IGBP1: variants seen among roughly 807,000 people sequenced by gnomAD.
IGBP1 encodes the protein immunoglobulin binding protein 1.
A neutral mutation model predicts 25.9 loss-of-function variants in IGBP1; 2 were observed. The observed-to-expected ratio is 0.08, with a 90% CI of 0.03 to 0.24. The LOEUF is 0.24. IGBP1 is among the 10% of genes least tolerant of loss of function. The pLI, the probability that IGBP1 is intolerant of heterozygous loss-of-function variation, is 1.00. For missense variants in IGBP1, 187 were observed against 260.4 expected, an observed-to-expected ratio of 0.72 and a Z score of 1.94; for synonymous variants, 96 against 93.4, an observed-to-expected ratio of 1.03 and a Z score of -0.16.
intron 3 of IGBP1, among the ~76,000 whole-genome samples, chrX:70,140,981 G>GA (rs1332306412): frequency 1.8e-5 from 2 of 110,918 alleles, no homozygotes; most frequent in African/African-American, 3.3e-5. Flanking sequence ...CATGTAGACA[G>GA]AAAAAAAGTC....
intron 3 of IGBP1, among the ~76,000 whole-genome samples, chrX:70,138,480 C>CAAAA (rs35566042): frequency 2.4e-3 from 127 of 53,279 alleles, no homozygotes; most frequent in East Asian, 4.7e-3. Flanking sequence ...GACCCTGTCT[C>CAAAA]AAAAAAAAAA....
At chrX:70,140,618 G>C (rs1179825852) in intron 3 of IGBP1, among the ~76,000 whole-genome samples, 1 of 112,047 alleles carries the variant, frequency 8.9e-6, no homozygotes, top group Non-Finnish European at 1.9e-5. Flanking sequence ...CCCAACCCAT[G>C]CCTTTAGATA....
Position 70,150,213 on chromosome X carries a change from A to G in IGBP1, c.762A>G (p.Val254=). The G allele has an allele frequency of 8.6e-7, 1 of 1,157,575 alleles. No homozygotes were observed. Among genetic ancestry groups the G allele is most frequent in the Non-Finnish European group, 1.2e-6 (1 of 847,161 alleles). Reference sequence around the variant, plus strand: ...AAATGCAGCGTAATTTTTGCAGAGTATTTGGAGCTGGTTATCCAAGTCTGC... The same window carrying G: ...AAATGCAGCGTAATTTTTGCAGAGTGTTTGGAGCTGGTTATCCAAGTCTGC... The part of the protein sequence containing the change: ...ILTRNMAQAK[V]FGAGYPSLPT... Residue 254 remains valine (V), a synonymous_variant, in exon 6 of 7, where the codon GTA becomes GTG. Transcript: ENST00000356413.
chrX:70,134,118 G>T lies in IGBP1; in HGVS notation c.171G>T (p.Ser57=). The change falls in exon 2 of 7, where the codon TCG becomes TCT. Residue 57 remains serine, a synonymous_variant. Transcript: ENST00000356413. ...TTGAGAAGGCTGCCGAAATGTTATC[G>T]CAGCTCGACTTGTTCAGGTATGGGG... ...DLLEKAAEML[S]QLDLFSRNED... is the part of the protein sequence containing the mutation. 8.3e-7 allele frequency: 1 copy of T among 1,209,968 alleles called. No individual in the cohort carries two copies.
At position 70,134,049 on chromosome X, in the gene IGBP1, T is replaced by C; in HGVS notation, c.102T>C (p.Gly34=). Residue 34 remains glycine (G), a synonymous_variant, in exon 2 of 7, where the codon GGT becomes GGC. Coordinates refer to ENST00000356413, the MANE Select transcript of IGBP1 (RefSeq NM_001551.3). The stretch of plus-strand genomic sequence containing the variant: ...TAGAAGTGGCGACTGAACCCGCCGG[T>C]TCCCGGATAGTCCAGGAGAAGGTGT... ...DEVEVATEPA[G]SRIVQEKVFK... The C allele has an allele frequency of 8.3e-7, 1 of 1,211,476 alleles. No individual in the cohort carries two copies. The highest frequency in any genetic ancestry group is 2.2e-5 in the Admixed American group (1 of 46,125).
chrX:70,134,574 G>A lies in IGBP1; in HGVS notation c.240G>A (p.Leu80=), dbSNP rs1028098878. Residue 80 remains leucine, a synonymous_variant, in exon 3 of 7, where the codon TTG becomes TTA. Transcript: ENST00000356413. Reference sequence around the variant, plus strand: ...CTTCCACCGACCTGAAGTACCTTTTGGTGCCAGCGTTTCAAGGAGCCCTCA... The same window carrying A: ...CTTCCACCGACCTGAAGTACCTTTTAGTGCCAGCGTTTCAAGGAGCCCTCA... The part of the protein sequence containing the change: ...EIASTDLKYL[L]VPAFQGALTM... 8.3e-7 allele frequency: 1 copy of A among 1,211,439 alleles called. No individual in the cohort carries two copies. The highest frequency in any genetic ancestry group is 1.1e-6 in the Non-Finnish European group (1 of 895,108).
intron 5 of IGBP1, chrX:70,149,653 CAA>C (rs59363387): frequency 0.018 from 1,184 of 64,598 alleles, 1 homozygote; most frequent in South Asian, 0.034. Context: ...GACTCCATCT[CAA>C]AAAAAAAAAA....
At chrX:70,156,862 T>G (rs1316621794) in intron 6 of IGBP1, among the ~76,000 whole-genome samples, 1 of 111,317 alleles carries the variant, frequency 9.0e-6, no homozygotes, top group Non-Finnish European at 1.9e-5. Context: ...ATCGGTTGAG[T>G]CTGGGAGGCA....
chrX:70,137,483 C>G (rs1181598465), intron 3 of IGBP1, among the ~76,000 whole-genome samples: 1 of 110,615 alleles, frequency 9.0e-6, no homozygotes, highest in Non-Finnish European at 1.9e-5. Context: ...TGGGGCTGTT[C>G]TAGGTGTTAG....
intron 3 of IGBP1, among the ~76,000 whole-genome samples, chrX:70,142,913 GTTGT>G (rs2085139755): frequency 1.2e-5 from 1 of 85,808 alleles, no homozygotes. Context: ...AAGTTATCGA[GTTGT>G]TTTTTTTTTT....
rs751303211 is a variant in IGBP1, at chrX:70,166,289, T to A, written c.*308T>A. ...CTATCCGAATTCTCTGAAAAAATAA[T>A]AAAAGTCCCCTCTATTATATGAGCC... On this transcript the variant is annotated 3_prime_UTR_variant, in exon 7 of 7. Coordinates refer to ENST00000356413, the MANE Select transcript of IGBP1 (RefSeq NM_001551.3). 5.6e-4 allele frequency: 121 copies of A among 217,857 alleles called. No individual in the cohort carries two copies. The highest frequency in any genetic ancestry group is 3.3e-3 in the African/African-American group (113 of 34,760). 18.0% of individuals were successfully genotyped at this position (217,857 alleles called of 1,213,427 possible). A position where few individuals can be genotyped will look rare whatever the true frequency, so the allele number is the denominator to read the frequency against.
At chrX:70,159,661 G>A (rs1056466503) in intron 6 of IGBP1, among the ~76,000 whole-genome samples, 14 of 111,604 alleles carry the variant, frequency 1.3e-4, no homozygotes, top group South Asian at 3.8e-4. Flanking sequence ...GGGCAGGGAC[G>A]TAGCTGTGAT....
At chrX:70,137,850 A>T (rs2085105469) in intron 3 of IGBP1, among the ~76,000 whole-genome samples, 1 of 108,919 alleles carries the variant, frequency 9.2e-6, no homozygotes, top group African/African-American at 3.3e-5. Context: ...ATGGCATTTG[A>T]CACCAGGCGC....
At chrX:70,148,045 T>C (rs2085178490) in intron 4 of IGBP1, among the ~76,000 whole-genome samples, 1 of 112,154 alleles carries the variant, frequency 8.9e-6, no homozygotes, top group African/African-American at 3.2e-5. Context: ...TGTCCCTTTC[T>C]TTGTGTGTGA....
intron 6 of IGBP1, among the ~76,000 whole-genome samples, chrX:70,151,485 C>A (rs967766988): frequency 1.4e-4 from 16 of 111,482 alleles, no homozygotes; most frequent in African/African-American, 5.2e-4. Context: ...TTCATTTGAT[C>A]CTCTTAACAA....
chrX:70,161,855 C>T (rs759466519), intron 6 of IGBP1, among the ~76,000 whole-genome samples: 3 of 111,668 alleles, frequency 2.7e-5, no homozygotes, highest in Non-Finnish European at 3.8e-5. Flanking sequence ...GAGCCAGCTG[C>T]ACCCTCACAG....
chrX:70,136,017 A>G (rs1487641304), intron 3 of IGBP1, among the ~76,000 whole-genome samples: 3 of 112,129 alleles, frequency 2.7e-5, no homozygotes, highest in African/African-American at 6.5e-5. Context: ...AGAGAAATAT[A>G]TATAAAGCAG....
In IGBP1 at chrX:70,166,066, C is replaced by A; in HGVS notation, c.*85C>A. On this transcript the variant is annotated 3_prime_UTR_variant, in exon 7 of 7. Transcript: ENST00000356413. ...CAGTCCTCCCCTCCCTGGTCTCCTG[C>A]TTCAGCTCTGTACAACGAGGGCAAA... 2 of 972,504 alleles carry A rather than the reference C, an allele frequency of 2.1e-6. No individual in the cohort carries two copies. Among genetic ancestry groups the A allele is most frequent in the Non-Finnish European group, 2.9e-6 (2 of 692,597 alleles). The allele number at this position is 972,504 out of a possible 1,213,427, so 80.1% of individuals were successfully genotyped here.
At position 70,150,960 on chromosome X, in the gene IGBP1, CTT is replaced by C. The variant is rs781386144; in HGVS notation, c.871+654_871+655del. Reference sequence around the variant, plus strand: ...TGGGTGAACAGTCCAACTCCTGTCACTTTTTTTTTTTTTTTTTGAGACGAAGT... The same window carrying C: ...TGGGTGAACAGTCCAACTCCTGTCACTTTTTTTTTTTTTTTGAGACGAAGT... On this transcript the variant is annotated intron_variant, in intron 6 of 6. Coordinates refer to ENST00000356413, the MANE Select transcript of IGBP1 (RefSeq NM_001551.3). 4.1e-3 allele frequency among the ~76,000 whole-genome samples: 406 copies of C among 99,274 alleles called. 3 individuals carry two copies. The highest frequency in any genetic ancestry group is 0.014 in the African/African-American group (380 of 27,643). The allele number at this position is 99,274 out of a possible 115,157, so 86.2% of individuals were successfully genotyped here. A position where few individuals can be genotyped will look rare whatever the true frequency, so the allele number is the denominator to read the frequency against.
Sources: gnomAD v4.1 joint callset for allele counts (sites outside exome capture counted in the v4.1 genomes callset) on GRCh38, gnomAD v4.1.1 for gene constraint, MANE v1.5 for transcripts, NCBI Gene and HGNC (gene_info 2026-07-23, HGNC 2026-07-21) for gene names.